Variants in TACC1 observed in about 807,000 individuals in gnomAD.
TACC1 encodes transforming acidic coiled-coil containing protein 1.
In TACC1, 48 loss-of-function variants were observed where a neutral mutation model predicts 84.4. The ratio of observed to expected loss-of-function variants is 0.57; its 90% CI spans 0.45 to 0.72. The LOEUF is 0.72. Among genes scored for constraint, TACC1 ranks in the 30% least tolerant of loss-of-function variants. The pLI is 0.00. For synonymous variants in TACC1, 372 were observed against 376.3 expected, an observed-to-expected ratio of 0.99 and a Z score of 0.13; for missense variants, 920 against 973.0, an observed-to-expected ratio of 0.95 and a Z score of 0.72.
At chr8:38,847,885 C>A in intron 12 of TACC1, 70 bp from the exon 13 acceptor site, 1 of 1,289,998 alleles carries the variant, frequency 7.8e-7, no homozygotes, top group Non-Finnish European at 1.1e-6. Flanking sequence ...AGACTTGGGA[C>A]TAGTTAACTC....
chr8:38,836,165 C>T lies in TACC1; in HGVS notation c.1717C>T (p.Leu573=), dbSNP rs1262874356. The change falls in exon 7 of 13, where the codon CTG becomes TTG. Residue 573 remains leucine, a synonymous_variant. Coordinates refer to ENST00000317827, the MANE Select transcript of TACC1 (RefSeq NM_006283.3). The part of the protein sequence containing the change: ...MEEDGSTVLG[L]LESSAEKAPV... ...AGTGTAATCCCTTTCCCCACAGGGG[C>T]TGCTGGAGTCCTCTGCAGAGAAGGC... 1 of 1,613,260 alleles carries T rather than the reference C, an allele frequency of 6.2e-7. No individual in the cohort carries two copies. The highest frequency in any genetic ancestry group is 8.5e-7 in the Non-Finnish European group (1 of 1,179,674).
At chr8:38,783,074 C>CTATATA, upstream of TACC1, among the ~76,000 whole-genome samples, 3 of 78,610 alleles carry the variant, frequency 3.8e-5, no homozygotes, top group African/African-American at 1.7e-4. Flanking sequence ...AAATATCTAT[C>CTATATA]TATCTATCTA....
chr8:38,749,476 T>C (rs1808638062), intron 3 of TACC1, among the ~76,000 whole-genome samples: 1 of 152,172 alleles, frequency 6.6e-6, no homozygotes, highest in African/African-American at 2.4e-5. Flanking sequence ...CCAATATCCC[T>C]CATGAATATA....
chr8:38,778,741 G>T (rs1490751479), intron 3 of TACC1, among the ~76,000 whole-genome samples: 1 of 152,182 alleles, frequency 6.6e-6, no homozygotes, highest in Non-Finnish European at 1.5e-5. Flanking sequence ...TCTTTGCTGA[G>T]CCTTGCTACT....
At chr8:38,771,395 A>G (rs1320211869) in intron 3 of TACC1, among the ~76,000 whole-genome samples, 1 of 152,178 alleles carries the variant, frequency 6.6e-6, no homozygotes, top group African/African-American at 2.4e-5. Context: ...TCGAGACACC[A>G]TACGCTCCTG....
chr8:38,819,156 T>C (rs1826107805), intron 2 of TACC1, among the ~76,000 whole-genome samples: 2 of 152,236 alleles, frequency 1.3e-5, no homozygotes, highest in South Asian at 4.1e-4. Context: ...CCCTGCACCA[T>C]AGCTGTTGGT....
intron 2 of TACC1, among the ~76,000 whole-genome samples, chr8:38,803,354 G>A (rs1821878251): frequency 6.6e-6 from 1 of 152,192 alleles, no homozygotes; most frequent in Admixed American, 6.5e-5. Flanking sequence ...TGACCTTAGG[G>A]TGAAAACATT....
intron 3 of TACC1, among the ~76,000 whole-genome samples, chr8:38,748,154 C>T (rs916552291): frequency 4.6e-5 from 7 of 151,630 alleles, no homozygotes; most frequent in Admixed American, 2.0e-4. Context: ...CACAAGAAAG[C>T]TGGAGTGGCT....
At chr8:38,754,169 G>A (rs966773373) in intron 3 of TACC1, among the ~76,000 whole-genome samples, 5 of 151,964 alleles carry the variant, frequency 3.3e-5, no homozygotes, top group Admixed American at 6.6e-5. Context: ...GGCCAGGCTG[G>A]TCTCAAACTC....
At chr8:38,767,845 A>G (rs62505804) in intron 3 of TACC1, among the ~76,000 whole-genome samples, 30,678 of 152,132 alleles carry the variant, frequency 0.2, 3,627 homozygotes, top group Non-Finnish European at 0.27. Flanking sequence ...TGGGAGGATC[A>G]TTTGAGCCCA....
At chr8:38,763,916 CTT>C (rs960789377) in intron 3 of TACC1, among the ~76,000 whole-genome samples, 16 of 152,254 alleles carry the variant, frequency 1.1e-4, no homozygotes, top group African/African-American at 3.9e-4. Context: ...TGAGTAATAA[CTT>C]AGGATACATT....
At chr8:38,813,336 T>C (rs1042895830) in intron 2 of TACC1, among the ~76,000 whole-genome samples, 1 of 152,096 alleles carries the variant, frequency 6.6e-6, no homozygotes, top group Non-Finnish European at 1.5e-5. Flanking sequence ...AAGAGATGAA[T>C]TTAACATATG....
At chr8:38,792,946 T>G (rs1168587856) in intron 2 of TACC1, among the ~76,000 whole-genome samples, 1 of 152,148 alleles carries the variant, frequency 6.6e-6, no homozygotes, top group Non-Finnish European at 1.5e-5. Flanking sequence ...GTTGTGGCTT[T>G]GTGTAGCTGT....
intron 3 of TACC1, among the ~76,000 whole-genome samples, chr8:38,775,591 T>C (rs959699084): frequency 6.6e-6 from 1 of 152,102 alleles, no homozygotes; most frequent in African/African-American, 2.4e-5. Flanking sequence ...GGGGTCTCTT[T>C]TATAAGGGCG....
chr8:38,733,303 CT>C (rs113616267), intron 1 of TACC1, among the ~76,000 whole-genome samples: 200 of 145,834 alleles, frequency 1.4e-3, no homozygotes, highest in Admixed American at 1.2e-3. Context: ...AATTGATCCT[CT>C]TTTTTTTTTT....
chr8:38,836,701 A>C (rs1258015158), intron 7 of TACC1, among the ~76,000 whole-genome samples: 1 of 152,004 alleles, frequency 6.6e-6, no homozygotes, highest in Admixed American at 6.6e-5. Flanking sequence ...AAACCGTTCA[A>C]CTCTCCGATT....
At chr8:38,812,961 A>G (rs542718218) in intron 2 of TACC1, among the ~76,000 whole-genome samples, 1 of 152,300 alleles carries the variant, frequency 6.6e-6, no homozygotes, top group Non-Finnish European at 1.5e-5. Flanking sequence ...GGGGTGAACC[A>G]TTCCTGATGG....
At chr8:38,770,766 C>T (rs1813448131) in intron 3 of TACC1, among the ~76,000 whole-genome samples, 1 of 152,100 alleles carries the variant, frequency 6.6e-6, no homozygotes, top group African/African-American at 2.4e-5. Flanking sequence ...AAAAGGACTC[C>T]AGCGCCAGGA....
intron 1 of TACC1, among the ~76,000 whole-genome samples, chr8:38,735,356 GAT>G (rs972119616): frequency 2.0e-5 from 3 of 152,142 alleles, no homozygotes; most frequent in Admixed American, 2.0e-4. Context: ...ATGGGTGCTG[GAT>G]TTTTCCATTT....
Sources: allele counts gnomAD v4.1 joint callset (sites outside exome capture counted in the v4.1 genomes callset), GRCh38; gene constraint gnomAD v4.1.1; transcripts MANE v1.5; gene names NCBI Gene and HGNC (gene_info 2026-07-23, HGNC 2026-07-21).